Variants in MYO7B observed in about 807,000 individuals in gnomAD.
MYO7B encodes unconventional myosin-VIIb.
In MYO7B, 212 loss-of-function variants were observed where a neutral mutation model predicts 259.7. That is an observed-to-expected ratio of 0.82 (90% confidence interval 0.73 to 0.91). MYO7B has a LOEUF of 0.91. Among genes scored for constraint, MYO7B ranks in the 40% least tolerant of loss-of-function variants. The pLI, the probability that MYO7B is intolerant of heterozygous loss-of-function variation, is 0.00. For synonymous variants in MYO7B, 1,197 were observed against 1,166.4 expected (o/e 1.03, Z -0.54); for missense variants, 2,732 against 2,813.5 (o/e 0.97, Z 0.66).
intron 26 of MYO7B, among the ~76,000 whole-genome samples, chr2:127,617,168 C>T (rs1247326781): frequency 6.6e-6 from 1 of 152,128 alleles, no homozygotes; most frequent in Non-Finnish European, 1.5e-5. Flanking sequence ...CAGGTACCAG[C>T]GCACGTTTAC....
rs1680194847 is a variant in MYO7B at position 127,607,325 on chromosome 2, G to A, written c.2544G>A (p.Val848=). 1.9e-6 allele frequency: 3 copies of A among 1,551,446 alleles called. No individual in the cohort carries two copies. The highest frequency in any genetic ancestry group is 1.2e-5 in the South Asian group (1 of 84,066). ...QLQALCRGYL[V]RQQVQAKRRA... is the part of the protein sequence containing the mutation. ...AGGCCCTGTGCAGGGGATACCTGGT[G>A]CGCCAGCAAGTCCAGGCCAAGAGGA... The change falls in exon 21 of 48, where the codon GTG becomes GTA. Residue 848 remains valine (V), a synonymous_variant. Coordinates refer to ENST00000409816, the MANE Select transcript of MYO7B (RefSeq NM_001393586.1). This position sits in a 1 kb window ranked among gnomAD's most constrained non-coding sequence, Gnocchi z 4.4.
At chr2:127,552,779 T>C (rs1389217386) in intron 1 of MYO7B, among the ~76,000 whole-genome samples, 1 of 152,154 alleles carries the variant, frequency 6.6e-6, no homozygotes, top group Non-Finnish European at 1.5e-5. Context: ...GGCAATTCCC[T>C]CTGTGTCTTT....
chr2:127,620,727 G>A (rs1167765101), intron 27 of MYO7B, among the ~76,000 whole-genome samples: 1 of 152,200 alleles, frequency 6.6e-6, no homozygotes, highest in African/African-American at 2.4e-5. Context: ...TCAGGATGGT[G>A]CTTCAAGACT....
intron 15 of MYO7B, among the ~76,000 whole-genome samples, chr2:127,588,783 GTGGGTGGGTGGATGGA>G (rs1288492717): frequency 3.5e-5 from 5 of 142,702 alleles, no homozygotes; most frequent in Admixed American, 7.0e-5. Flanking sequence ...TGGATGGGTG[GTGGGTGGGTGGATGGA>G]TGGGTGGGTG....
intron 5 of MYO7B, among the ~76,000 whole-genome samples, chr2:127,568,582 T>G (rs1678455512): frequency 6.6e-6 from 1 of 152,162 alleles, no homozygotes; most frequent in Admixed American, 6.5e-5. Flanking sequence ...TTGTGGGTAT[T>G]TTGATCATAA....
intron 6 of MYO7B, among the ~76,000 whole-genome samples, chr2:127,571,450 T>G (rs1403590051): frequency 2.8e-5 from 4 of 141,276 alleles, no homozygotes; most frequent in African/African-American, 7.8e-5. Flanking sequence ...GAGTTTTTTT[T>G]TTTTTTTTTG....
At position 127,634,554 on chromosome 2, in the gene MYO7B, C is replaced by T. The variant is rs1437670668; in HGVS notation, c.5626-42C>T. 5 of 1,555,952 alleles carry T rather than the reference C, an allele frequency of 3.2e-6. No individual in the cohort carries two copies. The African/African-American group carries it at 4.1e-5, about 13-fold the overall frequency. On this transcript the variant is annotated intron_variant, in intron 41 of 47. Coordinates refer to ENST00000409816, the MANE Select transcript of MYO7B (RefSeq NM_001393586.1). The stretch of plus-strand genomic sequence containing the variant: ...CCAGCAGGTTCTCAGGAGGACAGTC[C>T]CCGGAAGCCACCCAACTTCCCTGTA...
At chr2:127,631,875 C>T (rs1681533337) in intron 38 of MYO7B, 122 bp downstream of exon 38, 5 of 1,312,610 alleles carry the variant, frequency 3.8e-6, no homozygotes, top group Non-Finnish European at 5.2e-6. Flanking sequence ...GCCTGGGCTC[C>T]TGCCTCAGCA....
intron 4 of MYO7B, among the ~76,000 whole-genome samples, chr2:127,565,971 G>T (rs1678321909): frequency 6.6e-6 from 1 of 152,242 alleles, no homozygotes; most frequent in Admixed American, 6.5e-5. Flanking sequence ...GGGCCTCTCT[G>T]GTCTGGAGGG....
At chr2:127,625,652 A>T in intron 31 of MYO7B, 117 bp downstream of exon 31, 1 of 1,170,334 alleles carries the variant, frequency 8.5e-7, no homozygotes, top group Non-Finnish European at 1.1e-6. Flanking sequence ...CCTGGGGAAC[A>T]ACAAGCCTCA....
rs368288934 is a variant in MYO7B, at chr2:127,627,189, C to T, written c.4339C>T (p.Arg1447Cys). The T allele has an allele frequency of 6.2e-5, 100 of 1,608,334 alleles. No individual in the cohort carries two copies. The Middle Eastern group carries it at 1.2e-3, about 19-fold the overall frequency. The change falls in exon 33 of 48, where the codon CGC becomes TGC. Residue 1447 changes from arginine to cysteine, a missense_variant. By Grantham distance (180) the Arg-to-Cys change is radical. This residue lies in a region of MYO7B where 1,906 missense variants were observed against 2,026.4 expected (regional missense o/e 0.94). Transcript: ENST00000409816. This position sits in a 1 kb window ranked among gnomAD's most constrained non-coding sequence, Gnocchi z 5.6. Reference sequence around the variant, plus strand: ...CTGCCGTCTCTCCTGGCCAGGCCCCCGCCTGCCCAAGACGCAGCTGATCTT... The same window carrying T: ...CTGCCGTCTCTCCTGGCCAGGCCCCTGCCTGCCCAAGACGCAGCTGATCTT... ...LFEVITLSGP[R>C]LPKTQLILAV...
chr2:127,634,556 C>G, intron 41 of MYO7B, 40 bp from the exon 42 acceptor site: 2 of 1,557,354 alleles, frequency 1.3e-6, no homozygotes, highest in Non-Finnish European at 1.8e-6. Flanking sequence ...GGACAGTCCC[C>G]GGAAGCCACC....
intron 19 of MYO7B, among the ~76,000 whole-genome samples, chr2:127,603,234 GTTC>G (rs1394426398): frequency 6.6e-6 from 1 of 152,166 alleles, no homozygotes; most frequent in African/African-American, 2.4e-5. Flanking sequence ...AATCATGAAT[GTTC>G]TTAGTGGCAT....
chr2:127,635,928 A>G, intron 44 of MYO7B, 21 bp downstream of exon 44: 1 of 1,554,882 alleles, frequency 6.4e-7, no homozygotes, highest in Admixed American at 1.9e-5. Context: ...GGGCTGGGGA[A>G]GGGTTCTTGT....
rs1558833913 is a variant in MYO7B, at chr2:127,610,001, C to T, written c.3177C>T (p.His1059=). The change falls in exon 24 of 48, where the codon CAC becomes CAT. Residue 1059 remains histidine, a synonymous_variant. Transcript: ENST00000409816. ...AGCACGGTGCCCAGGTTCCACAGCA[C>T]AGTAGATCTGCACAGGCAAGTGGGG... ...GREHGAQVPQ[H]SRSAQRSGCK... is the part of the protein sequence containing the mutation. The T allele has an allele frequency of 6.2e-7, 1 of 1,609,428 alleles. No individual in the cohort carries two copies. Among genetic ancestry groups the T allele is most frequent in the South Asian group, 1.1e-5 (1 of 90,586 alleles).
chr2:127,631,820 C>G, intron 38 of MYO7B, 67 bp downstream of exon 38: 1 of 1,563,150 alleles, frequency 6.4e-7, no homozygotes. Flanking sequence ...TGAGGCCAGA[C>G]CGAGGCTCAG....
intron 6 of MYO7B, among the ~76,000 whole-genome samples, chr2:127,573,037 G>C (rs1019043312): frequency 1.3e-5 from 2 of 152,078 alleles, no homozygotes; most frequent in Admixed American, 6.5e-5. Flanking sequence ...AACAGGTTTC[G>C]TAATGGTGGC....
At chr2:127,599,196 G>T (rs781458434) in intron 19 of MYO7B, among the ~76,000 whole-genome samples, 1 of 152,084 alleles carries the variant, frequency 6.6e-6, no homozygotes. Context: ...AACATGATAC[G>T]TAGCTCCATT....
In MYO7B at chr2:127,632,176, C is replaced by A. The variant is rs80017064; in HGVS notation, c.5250-70C>A. ...CAGGCAGCTCTCACATCCGTCCCTG[C>A]TCCCCAAGGTGCCTGCCTGGCCAGG... is the stretch of plus-strand genomic sequence containing the variant. On this transcript the variant is annotated intron_variant, in intron 38 of 47. Transcript: ENST00000409816. 4 of 1,523,586 alleles carry A rather than the reference C, an allele frequency of 2.6e-6. No homozygotes were observed. In the Admixed American group the frequency reaches 8.5e-5, roughly 32 times the overall value. 94.4% of individuals were successfully genotyped at this position (1,523,586 alleles called of 1,614,324 possible).
Sources: allele counts gnomAD v4.1 joint callset (sites outside exome capture counted in the v4.1 genomes callset), GRCh38; gene constraint gnomAD v4.1.1; regional missense constraint gnomAD v4.1.1; non-coding constraint Gnocchi (gnomAD v3.1); transcripts MANE v1.5; gene names NCBI Gene and HGNC (gene_info 2026-07-23, HGNC 2026-07-21).